LARS2: variants seen among roughly 807,000 people sequenced by gnomAD.
LARS2 encodes leucyl-tRNA synthetase 2, mitochondrial.
A neutral mutation model predicts 116.6 loss-of-function variants in LARS2; 81 were observed. The observed-to-expected ratio is 0.69, with a 90% CI of 0.58 to 0.84. The LOEUF is 0.84. Ranked by LOEUF, LARS2 falls within the 40% of genes least tolerant of loss-of-function variation. LARS2 has a pLI of 0.00. For synonymous variants in LARS2, 396 were observed against 407.2 expected, an observed-to-expected ratio of 0.97 and a Z score of 0.33; for missense variants, 968 against 1,114.5, an observed-to-expected ratio of 0.87 and a Z score of 1.87.
rs854202 is a variant in LARS2, at chr3:45,419,422, T to C, written c.456-247T>C. On this transcript the variant is annotated intron_variant, in intron 5 of 21. Transcript: ENST00000645846. ...TTGAATGGCCAGGGGAAGGGGCAGT[T>C]CTCAAGGCCAAAGACCATTGTGGTT... Among the ~76,000 whole-genome samples, 112,842 of 152,174 alleles carry C rather than the reference T, an allele frequency of 0.74. 43,199 individuals are homozygous for C. The highest frequency in any genetic ancestry group is 0.89 in the African/African-American group (36,956 of 41,534).
chr3:45,518,047 A>T lies in LARS2; in HGVS notation c.2189A>T (p.Glu730Val). The change falls in exon 18 of 22, where the codon GAG (glutamate) becomes GTG (valine). Residue 730 changes from glutamate (E) to valine (V), a missense_variant. Glu to Val is a moderately radical substitution (Grantham distance 121). Transcript: ENST00000645846. ...AAAGCTGAGGCCAGGAAGCTCTGGG[A>T]GTACAAGAACTCCGTCATCTCTCAG... Reference protein sequence around the residue: ...KEKAEARKLWEYKNSVISQVT... With the variant: ...KEKAEARKLWVYKNSVISQVT... 6.2e-7 allele frequency: 1 copy of T among 1,613,560 alleles called. No individual in the cohort carries two copies. The highest frequency in any genetic ancestry group is 8.5e-7 in the Non-Finnish European group (1 of 1,179,686).
intron 16 of LARS2, among the ~76,000 whole-genome samples, chr3:45,514,447 C>T (rs936565397): frequency 3.3e-5 from 5 of 152,256 alleles, no homozygotes; most frequent in South Asian, 2.1e-4. Flanking sequence ...AGGTTTATAA[C>T]GGTCCGTGGG....
intron 3 of LARS2, among the ~76,000 whole-genome samples, chr3:45,396,096 C>T (rs1357861362): frequency 6.6e-6 from 1 of 152,180 alleles, no homozygotes; most frequent in Non-Finnish European, 1.5e-5. Flanking sequence ...GATGTTGTAG[C>T]TTACTGATTT....
chr3:45,454,391 CA>C lies in LARS2; in HGVS notation c.607-4345del, dbSNP rs372425127. On this transcript the variant is annotated intron_variant, in intron 7 of 21. Coordinates refer to ENST00000645846, the MANE Select transcript of LARS2 (RefSeq NM_015340.4). The stretch of plus-strand genomic sequence containing the variant: ...AAATGCTTCCCACAGATCACTCAAG[CA>C]AAAAAATATTAGTCCTAATGTTTAA... Among the ~76,000 whole-genome samples, 1,381 of 151,736 alleles carry C rather than the reference CA, an allele frequency of 9.1e-3. 19 individuals are homozygous for C. The highest frequency in any genetic ancestry group is 0.024 in the African/African-American group (1,001 of 41,422).
intron 8 of LARS2, among the ~76,000 whole-genome samples, chr3:45,468,599 C>G (rs1699473520): frequency 6.6e-6 from 1 of 152,192 alleles, no homozygotes; most frequent in South Asian, 2.1e-4. Context: ...CGTCTGCATT[C>G]TTACCAGTGT....
At chr3:45,505,434 C>A (rs1360997921) in intron 15 of LARS2, among the ~76,000 whole-genome samples, 2 of 151,790 alleles carry the variant, frequency 1.3e-5, no homozygotes, top group African/African-American at 4.8e-5. Flanking sequence ...GCTTATAATC[C>A]CAGCACTTTG....
intron 15 of LARS2, among the ~76,000 whole-genome samples, chr3:45,500,862 A>C (rs1168664717): frequency 1.3e-5 from 2 of 152,080 alleles, no homozygotes; most frequent in Non-Finnish European, 2.9e-5. Context: ...GGAGTGGCCC[A>C]TAGTGTTTTA....
chr3:45,493,091 G>C (rs1289673795), intron 13 of LARS2, among the ~76,000 whole-genome samples: 2 of 151,884 alleles, frequency 1.3e-5, no homozygotes, highest in Non-Finnish European at 2.9e-5. Context: ...GTTGGGCAAG[G>C]CTCCCTGGAT....
At chr3:45,515,003 G>A (rs771988699) in intron 16 of LARS2, among the ~76,000 whole-genome samples, 1 of 152,218 alleles carries the variant, frequency 6.6e-6, no homozygotes, top group Non-Finnish European at 1.5e-5. Flanking sequence ...CTTCATGGAT[G>A]TAACTCTCAT....
chr3:45,490,650 C>G (rs190201878), intron 12 of LARS2, among the ~76,000 whole-genome samples: 1 of 152,124 alleles, frequency 6.6e-6, no homozygotes, highest in African/African-American at 2.4e-5. Context: ...TTCTTTATGC[C>G]TCTTGACTGT....
intron 6 of LARS2, among the ~76,000 whole-genome samples, chr3:45,432,615 T>A (rs1014874161): frequency 6.6e-6 from 1 of 151,788 alleles, no homozygotes; most frequent in East Asian, 1.9e-4. Context: ...CAACATACAG[T>A]CTTATGGAAT....
chr3:45,405,731 A>G (rs1448581940), intron 4 of LARS2, among the ~76,000 whole-genome samples: 1 of 152,182 alleles, frequency 6.6e-6, no homozygotes, highest in Non-Finnish European at 1.5e-5. Context: ...CAATCCCCAA[A>G]TCTCAGTGGC....
At chr3:45,444,665 A>C in intron 6 of LARS2, among the ~76,000 whole-genome samples, 1 of 57,058 alleles carries the variant, frequency 1.8e-5, no homozygotes, top group African/African-American at 7.1e-5. Flanking sequence ...CTCCGTCTCA[A>C]AAAAAAAAAA....
intron 6 of LARS2, among the ~76,000 whole-genome samples, chr3:45,425,895 C>CTT (rs71095035): frequency 3.6e-5 from 5 of 138,968 alleles, no homozygotes; most frequent in African/African-American, 1.3e-4. Context: ...TCTTATAAGC[C>CTT]TTTTTTTTTT....
intron 6 of LARS2, among the ~76,000 whole-genome samples, chr3:45,427,933 T>C (rs1168025738): frequency 6.6e-6 from 1 of 151,814 alleles, no homozygotes; most frequent in African/African-American, 2.4e-5. Context: ...GCAATTCTCC[T>C]GCCTCAGCCT....
At position 45,506,803 on chromosome 3, in the gene LARS2, A is replaced by G. The variant is rs1700206751; in HGVS notation, c.1760+6224A>G. The G allele has an allele frequency of 5.3e-5, 8 of 152,064 alleles. 1 individual carries two copies. The highest frequency in any genetic ancestry group is 5.3e-4 in the Admixed American group (8 of 15,222). 9.4% of individuals were successfully genotyped at this position (152,064 alleles called of 1,614,324 possible). On this transcript the variant is annotated intron_variant, in intron 15 of 21. Coordinates refer to ENST00000645846, the MANE Select transcript of LARS2 (RefSeq NM_015340.4). The stretch of plus-strand genomic sequence containing the variant: ...TCTAATTTCTTCAAATACAGACAGC[A>G]AAGGTTTATGTATATCTAATCATCT...
intron 10 of LARS2, among the ~76,000 whole-genome samples, chr3:45,480,995 A>C (rs558246215): frequency 6.6e-6 from 1 of 152,220 alleles, no homozygotes; most frequent in East Asian, 1.9e-4. Context: ...ATTTTAGAAC[A>C]TTTTCATCAT....
At chr3:45,505,868 G>A (rs565489263) in intron 15 of LARS2, among the ~76,000 whole-genome samples, 1 of 152,136 alleles carries the variant, frequency 6.6e-6, no homozygotes, top group South Asian at 2.1e-4. Flanking sequence ...ATAGGACAGG[G>A]TCTGACTATT....
chr3:45,428,237 C>CTTT (rs1698629192), intron 6 of LARS2, among the ~76,000 whole-genome samples: 1 of 99,170 alleles, frequency 1.0e-5, no homozygotes. Flanking sequence ...CTATCTTAAC[C>CTTT]TGTTTTTTTT....
Sources: allele counts gnomAD v4.1 joint callset (sites outside exome capture counted in the v4.1 genomes callset), GRCh38; gene constraint gnomAD v4.1.1; transcripts MANE v1.5; gene names NCBI Gene and HGNC (gene_info 2026-07-23, HGNC 2026-07-21).